The following SPOCK3 variants were observed in gnomAD, a reference collection of about 807,000 sequenced individuals.
SPOCK3 encodes the protein SPARC (osteonectin), cwcv and kazal like domains proteoglycan 3.
A neutral mutation model predicts 56.6 loss-of-function variants in SPOCK3; 30 were observed. That is an observed-to-expected ratio of 0.53 (90% CI 0.40 to 0.72). SPOCK3 has a LOEUF of 0.72. SPOCK3 is among the 30% of genes least tolerant of loss of function. The pLI is 0.00. For missense variants in SPOCK3, 527 were observed against 530.0 expected (o/e 0.99, Z 0.06); for synonymous variants, 196 against 183.3 (o/e 1.07, Z -0.56).
intron 6 of SPOCK3, among the ~76,000 whole-genome samples, chr4:166,860,331 T>C (rs10029969): frequency 0.076 from 11,619 of 152,138 alleles, 540 homozygotes; most frequent in Non-Finnish European, 0.1. Flanking sequence ...ATTTTAAGTA[T>C]AATTATTCAG....
intron 4 of SPOCK3, among the ~76,000 whole-genome samples, chr4:166,927,116 C>T (rs1027739633): frequency 6.6e-6 from 1 of 152,266 alleles, no homozygotes; most frequent in Non-Finnish European, 1.5e-5. Flanking sequence ...TGTTGGAAGA[C>T]ATAATACAGA....
At chr4:166,810,862 T>C (rs750583956) in intron 6 of SPOCK3, among the ~76,000 whole-genome samples, 1 of 151,950 alleles carries the variant, frequency 6.6e-6, no homozygotes, top group Non-Finnish European at 1.5e-5. Flanking sequence ...ACAAAATTAG[T>C]GTTTGAAAAA....
intron 2 of SPOCK3, among the ~76,000 whole-genome samples, chr4:167,146,956 A>G (rs1453715880): frequency 6.6e-6 from 1 of 152,148 alleles, no homozygotes; most frequent in African/African-American, 2.4e-5. Flanking sequence ...GAAATAACTA[A>G]GATCAGACCG....
chr4:167,057,097 A>G (rs1754975851), intron 3 of SPOCK3, among the ~76,000 whole-genome samples: 1 of 152,132 alleles, frequency 6.6e-6, no homozygotes, highest in South Asian at 2.1e-4. Flanking sequence ...CTCGGCAGAA[A>G]CTCTACAAGC....
intron 3 of SPOCK3, among the ~76,000 whole-genome samples, chr4:167,013,549 TATC>T (rs1450635305): frequency 6.6e-6 from 1 of 151,266 alleles, no homozygotes; most frequent in African/African-American, 2.4e-5. Context: ...TATAAAATAT[TATC>T]ATAAAATATT....
intron 3 of SPOCK3, among the ~76,000 whole-genome samples, chr4:167,009,129 T>C (rs1318114786): frequency 1.3e-5 from 2 of 152,102 alleles, no homozygotes; most frequent in Admixed American, 1.3e-4. Flanking sequence ...GTCTGTCCCA[T>C]ATCCAGAAAA....
At chr4:167,149,615 G>A (rs1426155167) in intron 2 of SPOCK3, among the ~76,000 whole-genome samples, 1 of 151,892 alleles carries the variant, frequency 6.6e-6, no homozygotes, top group Non-Finnish European at 1.5e-5. Context: ...AAATCTAAAT[G>A]TTGATTGGGC....
At chr4:166,915,865 G>C (rs566377106) in intron 4 of SPOCK3, among the ~76,000 whole-genome samples, 1 of 152,232 alleles carries the variant, frequency 6.6e-6, no homozygotes, top group Admixed American at 6.5e-5. Context: ...TTAGTTATCT[G>C]AAATTATTAA....
At chr4:167,092,781 T>C (rs1045432110) in intron 2 of SPOCK3, among the ~76,000 whole-genome samples, 1 of 152,002 alleles carries the variant, frequency 6.6e-6, no homozygotes, top group Non-Finnish European at 1.5e-5. Flanking sequence ...ATAGAGAAAA[T>C]TTTCCATTCA....
intron 4 of SPOCK3, among the ~76,000 whole-genome samples, chr4:166,932,037 G>C (rs1321290598): frequency 6.6e-6 from 1 of 152,130 alleles, no homozygotes; most frequent in Non-Finnish European, 1.5e-5. Context: ...TCTAAGTATT[G>C]ACAGAAACAC....
At chr4:166,957,341 G>A (rs916094114) in intron 4 of SPOCK3, among the ~76,000 whole-genome samples, 6 of 152,192 alleles carry the variant, frequency 3.9e-5, no homozygotes, top group African/African-American at 1.2e-4. Context: ...AAATTCAAGT[G>A]GGCCCTGAAC....
chr4:166,895,931 C>T (rs980671507), intron 5 of SPOCK3, among the ~76,000 whole-genome samples: 4 of 152,044 alleles, frequency 2.6e-5, no homozygotes, highest in African/African-American at 9.7e-5. Context: ...CCTAAAAAGC[C>T]ATGATTTCCT....
intron 4 of SPOCK3, among the ~76,000 whole-genome samples, chr4:166,942,362 C>T (rs999012932): frequency 3.3e-5 from 5 of 151,584 alleles, no homozygotes; most frequent in African/African-American, 9.7e-5. Flanking sequence ...AGGAGCGCAA[C>T]ACCATACCCA....
At chr4:166,857,273 G>A (rs893214892) in intron 6 of SPOCK3, among the ~76,000 whole-genome samples, 1 of 152,142 alleles carries the variant, frequency 6.6e-6, no homozygotes, top group Non-Finnish European at 1.5e-5. Flanking sequence ...CAGGGAATGT[G>A]GCCACCATAT....
intron 3 of SPOCK3, among the ~76,000 whole-genome samples, chr4:167,061,224 C>A (rs1755574064): frequency 1.3e-5 from 2 of 151,874 alleles, no homozygotes. Context: ...ATAGCTAACA[C>A]CCATTTTACA....
At chr4:167,089,074 A>T (rs1171787109) in intron 2 of SPOCK3, among the ~76,000 whole-genome samples, 1 of 152,168 alleles carries the variant, frequency 6.6e-6, no homozygotes, top group African/African-American at 2.4e-5. Flanking sequence ...AGGTGCTGGT[A>T]TTCTATAAAT....
In SPOCK3 at chr4:166,754,733, A is replaced by G; in HGVS notation, c.710-4T>C. The G allele has an allele frequency of 6.2e-7, 1 of 1,612,710 alleles. No individual in the cohort carries two copies. The highest frequency in any genetic ancestry group is 8.5e-7 in the Non-Finnish European group (1 of 1,179,336). On this transcript the variant is annotated splice_region_variant and splice_polypyrimidine_tract_variant and intron_variant, in intron 7 of 10. Transcript: ENST00000357545. ...GGCAAGATGCTGGTATCGAATCCTA[A>G]AGGCAAAAAAAAGAAAATGATTAGT...
intron 2 of SPOCK3, among the ~76,000 whole-genome samples, chr4:167,222,767 G>A (rs1288941605): frequency 8.3e-6 from 1 of 120,228 alleles, no homozygotes; most frequent in Non-Finnish European, 1.6e-5. Context: ...ATTGATATAT[G>A]AATATATAAA....
At chr4:167,033,392 CATTATTATTATTATT>C (rs55774234) in intron 3 of SPOCK3, among the ~76,000 whole-genome samples, 1 of 146,536 alleles carries the variant, frequency 6.8e-6, no homozygotes, top group African/African-American at 2.5e-5. Context: ...AGCAATTATT[CATTATTATTATTATT>C]ATTATTATTA....
Sources: gnomAD v4.1 joint callset for allele counts (sites outside exome capture counted in the v4.1 genomes callset) on GRCh38, gnomAD v4.1.1 for gene constraint, MANE v1.5 for transcripts, NCBI Gene and HGNC (gene_info 2026-07-23, HGNC 2026-07-21) for gene names.